KCNN2: variants seen among roughly 807,000 people sequenced by gnomAD.
KCNN2 encodes potassium calcium-activated channel subfamily N member 2.
KCNN2 carries 24 observed loss-of-function variants against 55.5 expected under a neutral mutation model. That is an observed-to-expected ratio of 0.43 (90% CI 0.31 to 0.61). KCNN2 has a LOEUF of 0.61. Among genes scored for constraint, KCNN2 ranks in the 20% least tolerant of loss-of-function variants. KCNN2 has a pLI of 0.08. For missense variants in KCNN2, 754 were observed against 853.6 expected (o/e 0.88, Z 1.45); for synonymous variants, 431 against 336.1 (o/e 1.28, Z -3.09).
intron 1 of KCNN2, among the ~76,000 whole-genome samples, chr5:114,095,130 C>T (rs1289891128): frequency 6.6e-6 from 1 of 152,042 alleles, no homozygotes; most frequent in African/African-American, 2.4e-5. Flanking sequence ...ATCTTTATAA[C>T]AGTGTTGTTT....
chr5:114,243,332 A>G (rs895331586), intron 2 of KCNN2, among the ~76,000 whole-genome samples: 3 of 152,150 alleles, frequency 2.0e-5, no homozygotes, highest in Non-Finnish European at 2.9e-5. Context: ...AGTTTCAGTT[A>G]CTCGTGGCCA....
At chr5:114,294,572 T>G (rs1755967541) in intron 2 of KCNN2, among the ~76,000 whole-genome samples, 1 of 151,544 alleles carries the variant, frequency 6.6e-6, no homozygotes, top group Non-Finnish European at 1.5e-5. Flanking sequence ...TTGTTATAAT[T>G]TCTGTTCTTT....
chr5:114,404,121 G>A (rs142573030), intron 2 of KCNN2, among the ~76,000 whole-genome samples: 1 of 152,274 alleles, frequency 6.6e-6, no homozygotes, highest in Non-Finnish European at 1.5e-5. Flanking sequence ...AGTCCATTTC[G>A]ACTTCATCTG....
At chr5:114,477,271 A>G (rs984822037) in intron 5 of KCNN2, among the ~76,000 whole-genome samples, 2 of 152,218 alleles carry the variant, frequency 1.3e-5, no homozygotes, top group Non-Finnish European at 2.9e-5. Context: ...AACAGATGTA[A>G]CATTCCAAGT....
intron 3 of KCNN2, among the ~76,000 whole-genome samples, chr5:114,417,474 T>A (rs1447043991): frequency 3.9e-5 from 6 of 152,180 alleles, no homozygotes; most frequent in African/African-American, 1.4e-4. Flanking sequence ...TGTTTAAAGA[T>A]TCCATTTTTG....
At chr5:114,426,117 A>G (rs1235423415) in intron 3 of KCNN2, among the ~76,000 whole-genome samples, 2 of 151,928 alleles carry the variant, frequency 1.3e-5, no homozygotes, top group African/African-American at 4.8e-5. Context: ...GGACATTGAG[A>G]TTGCAGTAAG....
chr5:114,373,124 T>G (rs939928867), intron 2 of KCNN2, among the ~76,000 whole-genome samples: 6 of 152,110 alleles, frequency 3.9e-5, no homozygotes, highest in Non-Finnish European at 8.8e-5. Context: ...TTATTAAATG[T>G]GGTTTATTGA....
rs1200869711 is a variant in KCNN2 at position 114,111,640 on chromosome 5, AAAC to A, written c.-271+55144_-271+55146del. On this transcript the variant is annotated intron_variant, in intron 1 of 10. Transcript: ENST00000512097. Reference sequence around the variant, plus strand: ...GAACTCAAACAAATTTACAAGAAAAAAACAACCCCATCAAAAAGTGGGCAAAGG... The same window carrying A: ...GAACTCAAACAAATTTACAAGAAAAAAACCCCATCAAAAAGTGGGCAAAGG... 2.0e-5 allele frequency among the ~76,000 whole-genome samples: 3 copies of A among 152,070 alleles called. No individual in the cohort carries two copies. The East Asian group carries it at 5.8e-4, about 29-fold the overall frequency.
At chr5:114,363,335 C>A in intron 1 of KCNN2, 74 bp downstream of exon 1, 1 of 1,451,964 alleles carries the variant, frequency 6.9e-7, no homozygotes, top group Non-Finnish European at 9.1e-7. Flanking sequence ...GGCGGGGACC[C>A]TTTGCGTGCG....
intron 3 of KCNN2, among the ~76,000 whole-genome samples, chr5:114,437,741 G>T (rs1257760141): frequency 6.6e-6 from 1 of 152,126 alleles, no homozygotes; most frequent in Non-Finnish European, 1.5e-5. Flanking sequence ...GGTGTAAAAG[G>T]ATCTTCATTC....
chr5:114,294,004 TG>T (rs1318935237), intron 2 of KCNN2, among the ~76,000 whole-genome samples: 2 of 152,196 alleles, frequency 1.3e-5, no homozygotes, highest in African/African-American at 4.8e-5. Context: ...TATTCTCCGA[TG>T]GTAGTTTGTA....
intron 1 of KCNN2, among the ~76,000 whole-genome samples, chr5:114,062,927 T>A (rs993745064): frequency 6.6e-6 from 1 of 152,232 alleles, no homozygotes; most frequent in African/African-American, 2.4e-5. Context: ...CAAAAGAGCA[T>A]GATTTCCAAA....
chr5:114,247,605 A>C (rs980410272), intron 2 of KCNN2, among the ~76,000 whole-genome samples: 8 of 152,206 alleles, frequency 5.3e-5, no homozygotes, highest in African/African-American at 1.9e-4. Flanking sequence ...AACTATAAAG[A>C]ATAGTTAACT....
intron 2 of KCNN2, among the ~76,000 whole-genome samples, chr5:114,400,524 C>T (rs756737887): frequency 1.5e-4 from 23 of 152,324 alleles, no homozygotes; most frequent in Admixed American, 3.3e-4. Flanking sequence ...TGCCTAATAC[C>T]CTTCAATGGG....
chr5:114,440,967 T>C (rs1313412195), intron 3 of KCNN2, among the ~76,000 whole-genome samples: 3 of 152,088 alleles, frequency 2.0e-5, no homozygotes, highest in African/African-American at 7.2e-5. Context: ...AAAACAAGTA[T>C]GTCAGTGGGT....
intron 2 of KCNN2, among the ~76,000 whole-genome samples, chr5:114,282,309 A>G (rs1345760797): frequency 6.6e-6 from 1 of 152,084 alleles, no homozygotes; most frequent in African/African-American, 2.4e-5. Context: ...CTAGGCATCT[A>G]TGTTTTAGAA....
chr5:114,363,594 C>G lies in KCNN2; in HGVS notation c.1123-312C>G, dbSNP rs1462143477. Among the ~76,000 whole-genome samples, 4 of 152,326 alleles carry G rather than the reference C, an allele frequency of 2.6e-5. No individual in the cohort carries two copies. In the South Asian group the frequency reaches 8.3e-4, roughly 32 times the overall value. On this transcript the variant is annotated intron_variant, in intron 1 of 7. Transcript: ENST00000673685. ...TTTAGAAGGGCCCTTTCAACCCGCT[C>G]TCTTGAACTCAGAAGTAAGTTCCTC... is the stretch of plus-strand genomic sequence containing the variant.
intron 1 of KCNN2, among the ~76,000 whole-genome samples, chr5:114,143,621 G>T (rs1752334896): frequency 1.3e-5 from 2 of 152,134 alleles, no homozygotes; most frequent in African/African-American, 4.8e-5. Flanking sequence ...TTCTGTGATA[G>T]GAATCTTGGT....
At chr5:114,366,427 TTTTACTC>T (rs1757604523) in intron 2 of KCNN2, among the ~76,000 whole-genome samples, 2 of 152,204 alleles carry the variant, frequency 1.3e-5, no homozygotes. Context: ...GATGTAGCTT[TTTTACTC>T]GGTGTATTAT....
Sources: gnomAD v4.1 joint callset for allele counts (sites outside exome capture counted in the v4.1 genomes callset) on GRCh38, gnomAD v4.1.1 for gene constraint, MANE v1.5 for transcripts, NCBI Gene and HGNC (gene_info 2026-07-23, HGNC 2026-07-21) for gene names.